TEAD1: variants seen among roughly 807,000 people sequenced by gnomAD.
TEAD1 encodes TEA domain transcription factor 1.
TEAD1 carries 9 observed loss-of-function variants against 54.9 expected under a neutral mutation model. The observed-to-expected ratio is 0.16, with a 90% CI of 0.10 to 0.29. The LOEUF is 0.29. Among genes scored for constraint, TEAD1 ranks in the 10% least tolerant of loss-of-function variants. TEAD1 has a pLI of 1.00. For synonymous variants in TEAD1, 200 were observed against 187.8 expected (o/e 1.07, Z -0.53); for missense variants, 387 against 535.9 (o/e 0.72, Z 2.74).
intron 3 of TEAD1, among the ~76,000 whole-genome samples, chr11:12,860,395 T>C (rs916869871): frequency 4.6e-5 from 7 of 152,220 alleles, no homozygotes; most frequent in African/African-American, 7.2e-5. Flanking sequence ...GATTTCATGA[T>C]TCCTTTGCCT....
rs534701872 is a variant in TEAD1, at chr11:12,747,716, G to A, written c.-54-16463G>A. Reference sequence around the variant, plus strand: ...ACATACTACCCATGCTCATCTCTAAGCATTTAGATAATATATGCATTGACT... The same window carrying A: ...ACATACTACCCATGCTCATCTCTAAACATTTAGATAATATATGCATTGACT... On this transcript the variant is annotated intron_variant, in intron 2 of 12. Transcript: ENST00000527636. 5.3e-5 allele frequency among the ~76,000 whole-genome samples: 8 copies of A among 152,274 alleles called. No individual in the cohort carries two copies. The South Asian group carries it at 1.7e-3, about 32-fold the overall frequency.
intron 3 of TEAD1, among the ~76,000 whole-genome samples, chr11:12,792,474 T>A (rs532735644): frequency 6.6e-5 from 10 of 152,226 alleles, no homozygotes; most frequent in Admixed American, 3.9e-4. Context: ...TTCGTTGATA[T>A]AAGTCTGTTT....
At chr11:12,878,000 T>G (rs1353925860) in intron 5 of TEAD1, among the ~76,000 whole-genome samples, 2 of 151,596 alleles carry the variant, frequency 1.3e-5, no homozygotes, top group South Asian at 2.1e-4. Flanking sequence ...GGAGACAGGG[T>G]CTCTCTATGT....
At chr11:12,715,576 G>C (rs1171381804) in intron 2 of TEAD1, among the ~76,000 whole-genome samples, 1 of 152,158 alleles carries the variant, frequency 6.6e-6, no homozygotes, top group African/African-American at 2.4e-5. Context: ...AGCTGCACGT[G>C]ATGCAGACGG....
intron 3 of TEAD1, among the ~76,000 whole-genome samples, chr11:12,842,036 C>G (rs959485663): frequency 6.6e-6 from 1 of 152,060 alleles, no homozygotes; most frequent in Non-Finnish European, 1.5e-5. Flanking sequence ...CTTACCCAAA[C>G]CCCCAAATCA....
intron 2 of TEAD1, among the ~76,000 whole-genome samples, chr11:12,701,560 C>T (rs1423365999): frequency 6.6e-6 from 1 of 151,970 alleles, no homozygotes; most frequent in East Asian, 1.9e-4. Context: ...AGGGTCATGC[C>T]GGTGGGTTTT....
At chr11:12,821,594 C>T (rs1009968346) in intron 3 of TEAD1, among the ~76,000 whole-genome samples, 3 of 152,126 alleles carry the variant, frequency 2.0e-5, no homozygotes, top group Admixed American at 6.5e-5. Flanking sequence ...AAACTATGAC[C>T]TCTTCTGGAG....
chr11:12,690,853 G>A (rs1213060427), intron 2 of TEAD1, among the ~76,000 whole-genome samples: 1 of 152,186 alleles, frequency 6.6e-6, no homozygotes, highest in East Asian at 1.9e-4. Flanking sequence ...GACTTCCCGG[G>A]CTCAGGTGAT....
chr11:12,766,595 G>A (rs1945212766), intron 3 of TEAD1, among the ~76,000 whole-genome samples: 1 of 152,186 alleles, frequency 6.6e-6, no homozygotes, highest in South Asian at 2.1e-4. Flanking sequence ...CTGAGCAAGA[G>A]GGTCAGTTTT....
intron 3 of TEAD1, among the ~76,000 whole-genome samples, chr11:12,838,012 G>T (rs1281829501): frequency 1.3e-5 from 2 of 151,960 alleles, no homozygotes; most frequent in East Asian, 3.9e-4. Context: ...GGCCAGGCTG[G>T]TCTCGAACTC....
At chr11:12,889,593 G>C (rs1948155958) in intron 9 of TEAD1, among the ~76,000 whole-genome samples, 1 of 152,212 alleles carries the variant, frequency 6.6e-6, no homozygotes, top group Non-Finnish European at 1.5e-5. Context: ...GAGGCAAAGA[G>C]ATTGTTCTCT....
intron 3 of TEAD1, among the ~76,000 whole-genome samples, chr11:12,790,455 T>C (rs898551167): frequency 3.4e-4 from 51 of 152,220 alleles, no homozygotes; most frequent in Non-Finnish European, 1.5e-4. Context: ...AATGATAGCT[T>C]AAATTTGTAA....
At chr11:12,794,591 T>A (rs1945873762) in intron 3 of TEAD1, among the ~76,000 whole-genome samples, 1 of 152,170 alleles carries the variant, frequency 6.6e-6, no homozygotes, top group South Asian at 2.1e-4. Context: ...GCCCCTGAAC[T>A]TTGACATCAT....
intron 2 of TEAD1, among the ~76,000 whole-genome samples, chr11:12,725,994 C>G (rs1590088241): frequency 6.6e-6 from 1 of 152,206 alleles, no homozygotes. Flanking sequence ...AACCATCCTT[C>G]CACGCGTCCA....
At chr11:12,936,437 G>A (rs1449603574) in intron 12 of TEAD1, among the ~76,000 whole-genome samples, 1 of 152,158 alleles carries the variant, frequency 6.6e-6, no homozygotes, top group Non-Finnish European at 1.5e-5. Flanking sequence ...ATACTTTTCT[G>A]GGTCTAGGCA....
At chr11:12,807,590 C>T (rs2133983543) in intron 3 of TEAD1, among the ~76,000 whole-genome samples, 1 of 152,278 alleles carries the variant, frequency 6.6e-6, no homozygotes, top group Non-Finnish European at 1.5e-5. Context: ...AAGGGGTTAG[C>T]ACATAGTTAA....
chr11:12,800,627 C>T (rs780577490), intron 3 of TEAD1, among the ~76,000 whole-genome samples: 5 of 152,076 alleles, frequency 3.3e-5, no homozygotes, highest in African/African-American at 9.7e-5. Flanking sequence ...TAGCACAGCA[C>T]GTAGAGGGGA....
At chr11:12,873,931 CTTGCACTATA>C (rs1399142264) in intron 5 of TEAD1, among the ~76,000 whole-genome samples, 1 of 152,218 alleles carries the variant, frequency 6.6e-6, no homozygotes, top group Non-Finnish European at 1.5e-5. Flanking sequence ...TCTTTCCTCC[CTTGCACTATA>C]TTGCTGGTTA....
chr11:12,726,183 G>A (rs1944307432), intron 2 of TEAD1, among the ~76,000 whole-genome samples: 1 of 152,168 alleles, frequency 6.6e-6, no homozygotes, highest in Non-Finnish European at 1.5e-5. Context: ...ACATAGGTGG[G>A]GCACATAACT....
Sources: allele counts gnomAD v4.1 joint callset (sites outside exome capture counted in the v4.1 genomes callset), GRCh38; gene constraint gnomAD v4.1.1; transcripts MANE v1.5; gene names NCBI Gene and HGNC (gene_info 2026-07-23, HGNC 2026-07-21).